The following BACH2 variants were observed in gnomAD, a reference collection of about 807,000 sequenced individuals.
BACH2 encodes transcription regulator protein BACH2.
BACH2 carries 5 observed loss-of-function variants against 61.8 expected under a neutral mutation model. The ratio of observed to expected loss-of-function variants is 0.08; its 90% CI spans 0.04 to 0.17. BACH2 has a LOEUF of 0.17. BACH2 is among the 10% of genes least tolerant of loss of function. BACH2 has a pLI of 1.00. For missense variants in BACH2, 824 were observed against 1,091.1 expected, an observed-to-expected ratio of 0.76 and a Z score of 3.45; for synonymous variants, 446 against 440.1, an observed-to-expected ratio of 1.01 and a Z score of -0.17.
intron 4 of BACH2, among the ~76,000 whole-genome samples, chr6:90,153,892 G>A (rs1368288259): frequency 2.0e-5 from 3 of 152,132 alleles, no homozygotes; most frequent in African/African-American, 7.2e-5. Context: ...TGTAATTTAC[G>A]CTTAAAGTAT....
chr6:90,177,935 G>C (rs1201137367), intron 4 of BACH2, among the ~76,000 whole-genome samples: 3 of 152,134 alleles, frequency 2.0e-5, no homozygotes, highest in African/African-American at 7.2e-5. Context: ...GAAAAAGGAT[G>C]CCAGAAGCCA....
intron 4 of BACH2, among the ~76,000 whole-genome samples, chr6:90,137,496 CT>C (rs1784311872): frequency 6.6e-6 from 1 of 152,176 alleles, no homozygotes; most frequent in Non-Finnish European, 1.5e-5. Context: ...TAACTAGTTT[CT>C]CCGTTCTTTC....
chr6:90,283,438 C>T (rs1452137726), intron 1 of BACH2, among the ~76,000 whole-genome samples: 2 of 151,000 alleles, frequency 1.3e-5, no homozygotes, highest in Admixed American at 6.6e-5. Flanking sequence ...TGCTGTGGTG[C>T]GATCTTGGCT....
chr6:90,292,305 G>C (rs1288214046), intron 1 of BACH2, among the ~76,000 whole-genome samples: 1 of 152,244 alleles, frequency 6.6e-6, no homozygotes, highest in African/African-American at 2.4e-5. Context: ...AGGCAAGGTA[G>C]TCAGCACTGG....
intron 5 of BACH2, chr6:90,080,645 C>T (rs974873034): frequency 1.6e-6 from 1 of 634,648 alleles, no homozygotes. Context: ...CCTCTGCAAA[C>T]CACAACAGCA....
At position 89,930,657 on chromosome 6, in the gene BACH2, G is replaced by T. The variant is rs1772593851; in HGVS notation, c.*1751C>A. The T allele has an allele frequency of 6.5e-6, 1 of 152,788 alleles. No homozygotes were observed. 9.5% of individuals were successfully genotyped at this position (152,788 alleles called of 1,614,324 possible). A position where few individuals can be genotyped will look rare whatever the true frequency, so the allele number is the denominator to read the frequency against. On this transcript the variant is annotated 3_prime_UTR_variant, in exon 9 of 9. Coordinates refer to ENST00000257749, the MANE Select transcript of BACH2 (RefSeq NM_021813.4). ...GGGGCCAACACGGCCCCAGAGCCAA[G>T]GGAAGCTGCTCTCTCTGGGTTGCAA...
chr6:89,933,108 C>CATCT (rs1772777267), intron 8 of BACH2, among the ~76,000 whole-genome samples: 1 of 152,166 alleles, frequency 6.6e-6, no homozygotes. Context: ...TTCCCCAGGA[C>CATCT]ATCTCTTCAT....
rs540115341 is a variant in BACH2 at position 90,037,179 on chromosome 6, T to C, written c.-12-28323A>G. 3.9e-5 allele frequency among the ~76,000 whole-genome samples: 6 copies of C among 152,294 alleles called. No homozygotes were observed. The East Asian group carries it at 1.2e-3, about 29-fold the overall frequency. On this transcript the variant is annotated intron_variant, in intron 5 of 8. Coordinates refer to ENST00000257749, the MANE Select transcript of BACH2 (RefSeq NM_021813.4). The stretch of plus-strand genomic sequence containing the variant: ...ACCACACCCTGCGGCTGTTACTCAT[T>C]TGGAAACTTGCTGACTCTTCAATAG...
chr6:90,009,541 G>T (rs1406080267), intron 5 of BACH2, among the ~76,000 whole-genome samples: 2 of 152,230 alleles, frequency 1.3e-5, no homozygotes, highest in Admixed American at 6.5e-5. Context: ...CAGCTGAATT[G>T]ATGTACATCC....
intron 4 of BACH2, among the ~76,000 whole-genome samples, chr6:90,173,436 A>G (rs1021029454): frequency 1.3e-5 from 2 of 152,202 alleles, no homozygotes; most frequent in African/African-American, 4.8e-5. Context: ...TAGCTAAAAA[A>G]CAAACAAACG....
chr6:90,177,783 C>T (rs1489643300), intron 4 of BACH2, among the ~76,000 whole-genome samples: 1 of 152,132 alleles, frequency 6.6e-6, no homozygotes. Context: ...GGGGGAAATG[C>T]CATCCTTAAC....
chr6:90,225,957 A>G (rs528775128), intron 3 of BACH2, among the ~76,000 whole-genome samples: 1 of 152,298 alleles, frequency 6.6e-6, no homozygotes, highest in East Asian at 1.9e-4. Flanking sequence ...GGCCACCAGC[A>G]TTACCCTGAA....
At chr6:90,295,274 T>G (rs1772304746) in intron 1 of BACH2, among the ~76,000 whole-genome samples, 1 of 152,038 alleles carries the variant, frequency 6.6e-6, no homozygotes, top group South Asian at 2.1e-4. Context: ...TCCCTCAAGT[T>G]ACCAAACTCG....
In BACH2 at chr6:90,071,575, T is replaced by C. The variant is rs60148132; in HGVS notation, c.-13+17386A>G. 6.0e-3 allele frequency among the ~76,000 whole-genome samples: 907 copies of C among 152,352 alleles called. 52 individuals are homozygous for C. In the East Asian group the frequency reaches 0.14, roughly 23 times the overall value. ...AGTACAGCCTTTTCTTCCCCATTGC[T>C]TCTCTTTTCAATTCCTTTCTTCAGC... On this transcript the variant is annotated intron_variant, in intron 5 of 8. Coordinates refer to ENST00000257749, the MANE Select transcript of BACH2 (RefSeq NM_021813.4).
chr6:90,113,869 C>T (rs1380325879), intron 4 of BACH2, among the ~76,000 whole-genome samples: 1 of 151,604 alleles, frequency 6.6e-6, no homozygotes, highest in Non-Finnish European at 1.5e-5. Context: ...ATAAAACAAC[C>T]ATCAGAAACG....
chr6:89,936,682 C>T (rs543200459), intron 8 of BACH2, among the ~76,000 whole-genome samples: 10 of 152,160 alleles, frequency 6.6e-5, no homozygotes, highest in Admixed American at 4.6e-4. Context: ...CAGACATTTT[C>T]CCTGGTGGTG....
At chr6:90,249,396 G>C (rs2127869361) in intron 3 of BACH2, among the ~76,000 whole-genome samples, 1 of 152,192 alleles carries the variant, frequency 6.6e-6, no homozygotes, top group East Asian at 1.9e-4. Flanking sequence ...AGTAAACTTT[G>C]GCATAAGACA....
chr6:90,040,538 G>T (rs1779483121), intron 5 of BACH2, among the ~76,000 whole-genome samples: 1 of 149,964 alleles, frequency 6.7e-6, no homozygotes, highest in African/African-American at 2.5e-5. Context: ...TTTTTTACAT[G>T]AACTTCAGCA....
At chr6:90,082,099 A>G (rs1054188549) in intron 5 of BACH2, among the ~76,000 whole-genome samples, 1 of 152,236 alleles carries the variant, frequency 6.6e-6, no homozygotes, top group Admixed American at 6.5e-5. Flanking sequence ...TAAAATCAGA[A>G]TTTGATTGGA....
Sources: gnomAD v4.1 joint callset for allele counts (sites outside exome capture counted in the v4.1 genomes callset) on GRCh38, gnomAD v4.1.1 for gene constraint, MANE v1.5 for transcripts, NCBI Gene and HGNC (gene_info 2026-07-23, HGNC 2026-07-21) for gene names.